Variants in LINGO2 observed in about 807,000 individuals in gnomAD.
LINGO2 encodes the protein leucine-rich repeat and immunoglobulin-like domain-containing nogo receptor-interacting protein 2.
LINGO2 carries 14 observed loss-of-function variants against 30.6 expected under a neutral mutation model. The observed-to-expected ratio is 0.46, with a 90% CI of 0.30 to 0.72. The LOEUF (loss-of-function observed/expected upper bound fraction) is 0.72, where lower values mean the gene tolerates loss of function less well. LINGO2 is among the 30% of genes least tolerant of loss of function. The pLI is 0.07. For synonymous variants in LINGO2, 317 were observed against 288.5 expected (o/e 1.10, Z -1.00); for missense variants, 729 against 751.7 (o/e 0.97, Z 0.35).
At chr9:28,754,489 T>A in the LINGO2 span, among the ~76,000 whole-genome samples, 2 of 151,934 alleles carry the variant, frequency 1.3e-5, no homozygotes, top group Non-Finnish European at 2.9e-5. Context: ...CAAATCCAAA[T>A]CTACAGGAAA....
At chr9:28,005,097 T>C (rs1391968825) in intron 5 of LINGO2, among the ~76,000 whole-genome samples, 5 of 152,158 alleles carry the variant, frequency 3.3e-5, no homozygotes, top group Admixed American at 6.6e-5. Flanking sequence ...TTTCCTTCCC[T>C]TGGAAAAAGG....
At chr9:28,387,862 C>T (rs910328121) in intron 2 of LINGO2, among the ~76,000 whole-genome samples, 2 of 152,124 alleles carry the variant, frequency 1.3e-5, no homozygotes, top group Non-Finnish European at 2.9e-5. Context: ...AAGGAAGAAA[C>T]TCCAGACACG....
intron 2 of LINGO2, among the ~76,000 whole-genome samples, chr9:28,390,382 G>A (rs1821775858): frequency 6.6e-6 from 1 of 152,188 alleles, no homozygotes; most frequent in African/African-American, 2.4e-5. Context: ...TAACTCCGAA[G>A]CCATGTATTA....
At chr9:28,518,430 A>C (rs2135391066) in intron 1 of LINGO2, among the ~76,000 whole-genome samples, 1 of 152,296 alleles carries the variant, frequency 6.6e-6, no homozygotes, top group African/African-American at 2.4e-5. Context: ...TGCAACTCTG[A>C]AGTATGTCAT....
At chr9:28,212,324 A>G (rs1404291724) in intron 4 of LINGO2, among the ~76,000 whole-genome samples, 1 of 151,438 alleles carries the variant, frequency 6.6e-6, no homozygotes, top group Admixed American at 6.6e-5. Context: ...GAGACTAAAA[A>G]AACTTCAATA....
At chr9:28,290,016 C>T (rs538085121) in intron 4 of LINGO2, among the ~76,000 whole-genome samples, 2 of 152,310 alleles carry the variant, frequency 1.3e-5, no homozygotes, top group African/African-American at 4.8e-5. Flanking sequence ...TGCCAGGAAG[C>T]CATGTACATG....
intron 2 of LINGO2, among the ~76,000 whole-genome samples, chr9:28,402,238 A>G (rs969991328): frequency 1.3e-5 from 2 of 152,210 alleles, no homozygotes; most frequent in African/African-American, 4.8e-5. Context: ...GATAGGCATT[A>G]TGAAACAAAG....
chr9:28,945,344 CCAT>C, the LINGO2 span, among the ~76,000 whole-genome samples: 1 of 152,076 alleles, frequency 6.6e-6, no homozygotes, highest in Non-Finnish European at 1.5e-5. Context: ...ATTAACTTGA[CCAT>C]CATGTTTTAT....
chr9:28,308,719 TCAAA>T (rs1824476468), intron 3 of LINGO2, among the ~76,000 whole-genome samples: 1 of 149,482 alleles, frequency 6.7e-6, no homozygotes, highest in Non-Finnish European at 1.5e-5. Context: ...TACAATGAAC[TCAAA>T]CAAATTTACA....
At chr9:28,949,726 T>C in the LINGO2 span, among the ~76,000 whole-genome samples, 317 of 151,854 alleles carry the variant, frequency 2.1e-3, 1 homozygote, top group African/African-American at 6.8e-3. Context: ...TTCCAAACAA[T>C]AGAAAAAGAG....
chr9:28,561,696 AAT>A (rs1305492159), intron 1 of LINGO2, among the ~76,000 whole-genome samples: 1 of 51,394 alleles, frequency 1.9e-5, no homozygotes, highest in Non-Finnish European at 4.6e-5. Flanking sequence ...ATATATGTAT[AAT>A]ATATATAAAT....
At chr9:29,107,294 A>AC in the LINGO2 span, among the ~76,000 whole-genome samples, 17 of 152,158 alleles carry the variant, frequency 1.1e-4, no homozygotes, top group Non-Finnish European at 2.4e-4. Context: ...TTTGTAACAA[A>AC]TGATTTTTCT....
chr9:28,351,842 C>T (rs1440631942), intron 3 of LINGO2, among the ~76,000 whole-genome samples: 1 of 149,904 alleles, frequency 6.7e-6, no homozygotes, highest in Non-Finnish European at 1.5e-5. Context: ...AAGGCTGGTT[C>T]AATATATGCA....
At chr9:28,496,408 T>C (rs1169790639) in intron 1 of LINGO2, among the ~76,000 whole-genome samples, 1 of 151,710 alleles carries the variant, frequency 6.6e-6, no homozygotes, top group Non-Finnish European at 1.5e-5. Context: ...CCTTTACCAT[T>C]ATGTAATGGC....
At chr9:27,973,361 T>A (rs546916503) in intron 5 of LINGO2, among the ~76,000 whole-genome samples, 1 of 152,188 alleles carries the variant, frequency 6.6e-6, no homozygotes, top group Non-Finnish European at 1.5e-5. Context: ...GAGGTACCTA[T>A]GAATCTTCAC....
chr9:28,784,019 C>T, the LINGO2 span, among the ~76,000 whole-genome samples: 328 of 152,258 alleles, frequency 2.2e-3, 1 homozygote, highest in Non-Finnish European at 3.7e-3. Flanking sequence ...TCGAAAGTCC[C>T]CACCGCTGAA....
At chr9:28,454,606 CATATAT>C (rs1440032749) in intron 2 of LINGO2, among the ~76,000 whole-genome samples, 1 of 151,580 alleles carries the variant, frequency 6.6e-6, no homozygotes, top group Non-Finnish European at 1.5e-5. Context: ...ACACAATGTA[CATATAT>C]ATTCTGTACT....
the LINGO2 span, among the ~76,000 whole-genome samples, chr9:28,930,792 G>A: frequency 4.6e-5 from 7 of 152,096 alleles, no homozygotes; most frequent in South Asian, 2.1e-4. This position sits in a 1 kb window ranked among gnomAD's most constrained non-coding sequence, Gnocchi z 4.2. Context: ...TTCACAGTCC[G>A]GATTTAAGAC....
At chr9:28,136,162 T>A (rs1461959404) in intron 4 of LINGO2, among the ~76,000 whole-genome samples, 3 of 152,240 alleles carry the variant, frequency 2.0e-5, no homozygotes, top group Non-Finnish European at 2.9e-5. Flanking sequence ...ATCAAGCTTA[T>A]AATCACATAA....
Sources: allele counts gnomAD v4.1 joint callset (sites outside exome capture counted in the v4.1 genomes callset), GRCh38; gene constraint gnomAD v4.1.1; non-coding constraint Gnocchi (gnomAD v3.1); transcripts MANE v1.5; gene names NCBI Gene and HGNC (gene_info 2026-07-23, HGNC 2026-07-21).